PRKCQ: variants seen among roughly 807,000 people sequenced by gnomAD.
The protein encoded by PRKCQ is protein kinase C theta, also known as protein kinase C theta type.
A neutral mutation model predicts 91.2 loss-of-function variants in PRKCQ; 41 were observed. That is an observed-to-expected ratio of 0.45 (90% confidence interval 0.35 to 0.58). PRKCQ has a LOEUF of 0.58. Ranked by LOEUF, PRKCQ falls within the 20% of genes least tolerant of loss-of-function variation. The pLI, the probability that PRKCQ is intolerant of heterozygous loss-of-function variation, is 0.00. For missense variants in PRKCQ, 673 were observed against 896.5 expected, an observed-to-expected ratio of 0.75 and a Z score of 3.18; for synonymous variants, 307 against 316.9, an observed-to-expected ratio of 0.97 and a Z score of 0.33.
At chr10:6,533,642 G>T (rs543214235) in intron 1 of PRKCQ, among the ~76,000 whole-genome samples, 1 of 152,150 alleles carries the variant, frequency 6.6e-6, no homozygotes, top group Non-Finnish European at 1.5e-5. Context: ...TTAAAATAAA[G>T]ATATTATAAT....
intron 9 of PRKCQ, among the ~76,000 whole-genome samples, 174 bp from the exon 10 acceptor site, chr10:6,485,443 C>T (rs1292786384): frequency 6.6e-6 from 1 of 152,248 alleles, no homozygotes; most frequent in Non-Finnish European, 1.5e-5. Context: ...AGTCTATCTA[C>T]TGTATTTTAT....
chr10:6,547,879 A>T (rs1302369716), intron 1 of PRKCQ, among the ~76,000 whole-genome samples: 10 of 150,712 alleles, frequency 6.6e-5, no homozygotes, highest in Middle Eastern at 6.8e-3. Flanking sequence ...AAAATTGACA[A>T]ATGGGATCTA....
At chr10:6,397,931 A>AAAAG in the PRKCQ span, among the ~76,000 whole-genome samples, 705 of 152,328 alleles carry the variant, frequency 4.6e-3, 5 homozygotes, top group African/African-American at 0.016. Context: ...GTCTAAAAAA[A>AAAAG]AAAGAAAGAA....
At chr10:6,488,943 G>A (rs1047616852) in intron 8 of PRKCQ, among the ~76,000 whole-genome samples, 29 of 151,582 alleles carry the variant, frequency 1.9e-4, no homozygotes, top group African/African-American at 5.3e-4. Context: ...CACTACACCC[G>A]ACTAATTTTT....
chr10:6,482,016 T>C (rs1836629257), intron 11 of PRKCQ, among the ~76,000 whole-genome samples: 1 of 147,482 alleles, frequency 6.8e-6, no homozygotes. Flanking sequence ...TTTTTGCTCC[T>C]CCTCTCCCTC....
rs539003407 is a variant in PRKCQ, at chr10:6,576,865, G to A, written c.-10+3346C>T. 3.9e-5 allele frequency among the ~76,000 whole-genome samples: 6 copies of A among 152,196 alleles called. No homozygotes were observed. In the East Asian group the frequency reaches 1.2e-3, roughly 29 times the overall value. On this transcript the variant is annotated intron_variant, in intron 1 of 17. Transcript: ENST00000263125. The surrounding 1 kb of genome is among the most constrained non-coding windows in gnomAD (Gnocchi z 4.2). ...ACCTGGACAAGGGGCTCTACCCCTTGAGCCTCAGTTTCCTCATCTGAAAAA... is the reference window on the plus strand; with the variant it reads ...ACCTGGACAAGGGGCTCTACCCCTTAAGCCTCAGTTTCCTCATCTGAAAAA...
chr10:6,573,716 A>T (rs946754089), intron 1 of PRKCQ, among the ~76,000 whole-genome samples: 4 of 152,136 alleles, frequency 2.6e-5, no homozygotes, highest in South Asian at 2.1e-4. Flanking sequence ...CCAGATAGAA[A>T]TTTTTTTCTT....
intron 1 of PRKCQ, among the ~76,000 whole-genome samples, chr10:6,563,770 ACT>A (rs1840722365): frequency 6.6e-6 from 1 of 151,854 alleles, no homozygotes; most frequent in Non-Finnish European, 1.5e-5. Context: ...TATGTGTGGG[ACT>A]CTCTGCTCAA....
intron 12 of PRKCQ, among the ~76,000 whole-genome samples, chr10:6,470,081 T>C (rs1835875189): frequency 6.6e-6 from 1 of 152,254 alleles, no homozygotes; most frequent in Admixed American, 6.5e-5. Flanking sequence ...CACCACTGAA[T>C]CTGCCTATCC....
At chr10:6,409,299 A>G in the PRKCQ span, among the ~76,000 whole-genome samples, 1 of 152,034 alleles carries the variant, frequency 6.6e-6, no homozygotes, top group African/African-American at 2.4e-5. Context: ...AGTTTATTTT[A>G]TTTATTTATT....
At chr10:6,419,482 C>T in the PRKCQ span, among the ~76,000 whole-genome samples, 1 of 152,228 alleles carries the variant, frequency 6.6e-6, no homozygotes, top group South Asian at 2.1e-4. Context: ...CTCCCCCATT[C>T]TCTCAGTCAG....
At chr10:6,408,642 A>G in the PRKCQ span, among the ~76,000 whole-genome samples, 1 of 152,256 alleles carries the variant, frequency 6.6e-6, no homozygotes, top group Non-Finnish European at 1.5e-5. Flanking sequence ...GGCGTGAGCC[A>G]CTGCGCCTAG....
intron 3 of PRKCQ, among the ~76,000 whole-genome samples, chr10:6,509,846 T>C (rs970126121): frequency 2.3e-4 from 35 of 152,266 alleles, no homozygotes; most frequent in African/African-American, 8.4e-4. Flanking sequence ...AAGATTACTT[T>C]AGTGATACGA....
At chr10:6,514,650 T>G (rs1428040474) in intron 2 of PRKCQ, among the ~76,000 whole-genome samples, 1 of 152,230 alleles carries the variant, frequency 6.6e-6, no homozygotes, top group Non-Finnish European at 1.5e-5. Context: ...AGTCTTAATC[T>G]ACCTAGACTT....
chr10:6,536,715 C>T (rs1346520820), intron 1 of PRKCQ, among the ~76,000 whole-genome samples: 2 of 152,190 alleles, frequency 1.3e-5, no homozygotes. Flanking sequence ...AGCCCCACAG[C>T]TGATAGCACA....
the PRKCQ span, among the ~76,000 whole-genome samples, chr10:6,408,121 C>T: frequency 7.8e-6 from 1 of 128,796 alleles, no homozygotes; most frequent in African/African-American, 3.1e-5. Flanking sequence ...TACTGTGATT[C>T]ACTGATGTCT....
rs116521423 is a variant in PRKCQ at position 6,517,573 on chromosome 10, T to C, written c.-9-2429A>G. ...CTTCTACATGCCAGAAAAAAATGCA[T>C]CTTTAAGATAGCATCTTTTTTTTTT... On this transcript the variant is annotated intron_variant, in intron 1 of 17. Coordinates refer to ENST00000263125, the MANE Select transcript of PRKCQ (RefSeq NM_006257.5). Among the ~76,000 whole-genome samples, 1,404 of 140,490 alleles carry C rather than the reference T, an allele frequency of 1.0e-2. 27 individuals are homozygous for C. Among genetic ancestry groups the C allele is most frequent in the African/African-American group, 0.033 (1,316 of 39,358 alleles). 92.2% of individuals were successfully genotyped at this position (140,490 alleles called of 152,430 possible).
intron 14 of PRKCQ, among the ~76,000 whole-genome samples, chr10:6,458,757 G>A (rs1044867073): frequency 1.3e-5 from 2 of 152,156 alleles, no homozygotes; most frequent in Non-Finnish European, 2.9e-5. Context: ...TGAGAATCAC[G>A]TGAAAGCATT....
the PRKCQ span, among the ~76,000 whole-genome samples, chr10:6,417,692 C>T: frequency 2.6e-5 from 4 of 152,110 alleles, no homozygotes; most frequent in African/African-American, 9.7e-5. Flanking sequence ...AACATTCAGT[C>T]GAGAATCCAG....
Sources: gnomAD v4.1 joint callset for allele counts (sites outside exome capture counted in the v4.1 genomes callset) on GRCh38, gnomAD v4.1.1 for gene constraint, Gnocchi (gnomAD v3.1) non-coding constraint, MANE v1.5 for transcripts, NCBI Gene and HGNC (gene_info 2026-07-23, HGNC 2026-07-21) for gene names.